CABP4: variants seen among roughly 807,000 people sequenced by gnomAD.
CABP4 encodes calcium binding protein 4, also known as calcium-binding protein 4.
In CABP4, 30 loss-of-function variants were observed where a neutral mutation model predicts 30.7. The observed-to-expected ratio is 0.98, with a 90% CI of 0.73 to 1.33. The LOEUF (loss-of-function observed/expected upper bound fraction) is 1.33, where lower values mean the gene tolerates loss of function less well. CABP4 is among the 40% of genes most tolerant of loss of function. The pLI is 0.00. For synonymous variants in CABP4, 161 were observed against 159.2 expected, an observed-to-expected ratio of 1.01 and a Z score of -0.08; for missense variants, 424 against 395.5, an observed-to-expected ratio of 1.07 and a Z score of -0.61.
intron 3 of CABP4, among the ~76,000 whole-genome samples, chr11:67,456,815 TTCTC>T (rs745880983): frequency 2.6e-5 from 4 of 152,186 alleles, no homozygotes; most frequent in East Asian, 1.9e-4. Context: ...CCTTCTCTCT[TTCTC>T]TCTCTTTCTG....
chr11:67,456,742 C>T (rs911360554), intron 3 of CABP4, among the ~76,000 whole-genome samples: 3 of 152,238 alleles, frequency 2.0e-5, no homozygotes, highest in African/African-American at 4.8e-5. Flanking sequence ...CTTCCTGCCT[C>T]GCTGGCCCAG....
At chr11:67,456,265 C>G (rs372633294) in intron 2 of CABP4, 34 bp from the exon 3 acceptor site, 36 of 1,613,652 alleles carry the variant, frequency 2.2e-5, no homozygotes, top group Non-Finnish European at 2.9e-5. Context: ...GTCCCTGAGC[C>G]TGGCCACCTG....
chr11:67,455,638 A>G lies in CABP4; in HGVS notation c.215A>G (p.Asn72Ser), dbSNP rs1565160426. 6.2e-7 allele frequency: 1 copy of G among 1,609,460 alleles called. No individual in the cohort carries two copies. Among genetic ancestry groups the G allele is most frequent in the Admixed American group, 1.7e-5 (1 of 59,788 alleles). Reference sequence around the variant, plus strand: ...CCCGAGGCCCCGGGGAGCAGCAATAACCCTCCCAGCACTGGAGAGGGGCCG... The same window carrying G: ...CCCGAGGCCCCGGGGAGCAGCAATAGCCCTCCCAGCACTGGAGAGGGGCCG... ...TGPEAPGSSN[N>S]PPSTGEGPAG... Residue 72 changes from asparagine to serine, a missense_variant, in exon 1 of 6, where the codon AAC becomes AGC. Coordinates refer to ENST00000325656, the MANE Select transcript of CABP4 (RefSeq NM_145200.5).
intron 4 of CABP4, 109 bp from the exon 5 acceptor site, chr11:67,458,262 A>T (rs1168354611): frequency 1.0e-6 from 1 of 958,632 alleles, no homozygotes; most frequent in Non-Finnish European, 1.3e-6. Context: ...CATCTCAAAA[A>T]ATAAAATAAA....
At position 67,456,526 on chromosome 11, in the gene CABP4, C is replaced by A. The variant is rs1007560617; in HGVS notation, c.541+84C>A. 90 of 1,534,254 alleles carry A rather than the reference C, an allele frequency of 5.9e-5. 2 individuals are homozygous for A. The East Asian group carries it at 2.1e-3, about 35-fold the overall frequency. ...CTGGCAGGAGGTGGCCCTTGGGAGT[C>A]CATCGGGGTGCTAGTGGGAGTGAGG... On this transcript the variant is annotated intron_variant, in intron 3 of 5. Transcript: ENST00000325656.
chr11:67,454,722 C>T (rs932825652), upstream of CABP4, among the ~76,000 whole-genome samples: 1 of 152,216 alleles, frequency 6.6e-6, no homozygotes, highest in Non-Finnish European at 1.5e-5. Context: ...CCCCCTCCCC[C>T]AGCCCTGATG....
Position 67,455,620 on chromosome 11 carries a change from C to A in CABP4, c.197C>A (p.Ala66Asp), listed in dbSNP as rs375539327. The A allele has an allele frequency of 2.1e-5, 34 of 1,607,728 alleles. No homozygotes were observed. The highest frequency in any genetic ancestry group is 1.7e-4 in the African/African-American group (13 of 74,972). ...TCTGGGGAGCAGACAGGCCCCGAGGCCCCGGGGAGCAGCAATAACCCTCCC... is the reference window on the plus strand; with the variant it reads ...TCTGGGGAGCAGACAGGCCCCGAGGACCCGGGGAGCAGCAATAACCCTCCC... ...GSSGEQTGPE[A>D]PGSSNNPPST... Residue 66 changes from alanine to aspartate, a missense_variant, in exon 1 of 6, where the codon GCC becomes GAC. Physicochemically the swap from Ala to Asp is moderately radical, Grantham distance 126. Transcript: ENST00000325656.
rs1226748829 is a variant in CABP4, at chr11:67,461,315, G to C, written c.*2656G>C. On this transcript the variant is annotated 3_prime_UTR_variant, in exon 6 of 6. Transcript: ENST00000325656. Reference sequence around the variant, plus strand: ...AAAGAAAAAGACAGATAAGTCCTTGGGAGTCTCAGACGGAGGACATACATA... The same window carrying C: ...AAAGAAAAAGACAGATAAGTCCTTGCGAGTCTCAGACGGAGGACATACATA... Among the ~76,000 whole-genome samples, 4 of 152,012 alleles carry C rather than the reference G, an allele frequency of 2.6e-5. No individual in the cohort carries two copies. Among genetic ancestry groups the C allele is most frequent in the African/African-American group, 9.7e-5 (4 of 41,370 alleles).
intron 4 of CABP4, among the ~76,000 whole-genome samples, chr11:67,458,150 T>G (rs529226214): frequency 6.6e-6 from 1 of 152,028 alleles, no homozygotes; most frequent in South Asian, 2.1e-4. Flanking sequence ...TCTCAGCTAC[T>G]CAGGAGGCTG....
In CABP4 at chr11:67,459,782, C is replaced by T. The variant is rs1864953997; in HGVS notation, c.*1123C>T. On this transcript the variant is annotated 3_prime_UTR_variant, in exon 6 of 6. Coordinates refer to ENST00000325656, the MANE Select transcript of CABP4 (RefSeq NM_145200.5). The stretch of plus-strand genomic sequence containing the variant: ...CCTGACCAACATGGTGAAACCCCAT[C>T]TCTACTAAAAATACAAAAATTAACT... 6.6e-6 allele frequency: 1 copy of T among 152,090 alleles called. No individual in the cohort carries two copies. 9.4% of individuals were successfully genotyped at this position (152,090 alleles called of 1,614,324 possible).
In CABP4 at chr11:67,458,275, TAAATA is replaced by T. The variant is rs140897826; in HGVS notation, c.652-77_652-73del. 0.027 allele frequency: 27,143 copies of T among 1,009,190 alleles called. 5,148 individuals carry two copies. In the African/African-American group the frequency reaches 0.41, roughly 15 times the overall value. The allele number at this position is 1,009,190 out of a possible 1,614,324, so 62.5% of individuals were successfully genotyped here. On this transcript the variant is annotated intron_variant, in intron 4 of 5. Coordinates refer to ENST00000325656, the MANE Select transcript of CABP4 (RefSeq NM_145200.5). ...TCCATCTCAAAAAATAAAATAAAAA[TAAATA>T]AAATAAAATAAAATAAAAAATAAAA... is the stretch of plus-strand genomic sequence containing the variant.
intron 3 of CABP4, among the ~76,000 whole-genome samples, chr11:67,457,023 C>A (rs946841976): frequency 8.5e-5 from 13 of 152,186 alleles, no homozygotes; most frequent in Non-Finnish European, 1.5e-4. Flanking sequence ...CCTTAAAATT[C>A]CCAAAATGGG....
intron 3 of CABP4, among the ~76,000 whole-genome samples, chr11:67,456,838 C>A (rs1013983368): frequency 1.3e-5 from 2 of 152,238 alleles, no homozygotes; most frequent in African/African-American, 4.8e-5. Context: ...TGTGACCCTG[C>A]CTCAGCCCTG....
At chr11:67,452,723 A>AT, upstream of CABP4, 1 of 1,555,014 alleles carries the variant, frequency 6.4e-7, no homozygotes, top group Non-Finnish European at 8.7e-7. Flanking sequence ...GGTAGTGTCC[A>AT]TTTGGGGTCC....
intron 3 of CABP4, among the ~76,000 whole-genome samples, chr11:67,456,718 C>A (rs1443478871): frequency 6.6e-6 from 1 of 152,256 alleles, no homozygotes; most frequent in Admixed American, 6.5e-5. Flanking sequence ...ACATTTGCTC[C>A]TTTCACCCGA....
chr11:67,454,050 C>G (rs539704356), upstream of CABP4, among the ~76,000 whole-genome samples: 1 of 152,166 alleles, frequency 6.6e-6, no homozygotes, highest in Non-Finnish European at 1.5e-5. Flanking sequence ...CACCCCACCG[C>G]GGCCCTCTCC....
chr11:67,455,639 C>G lies in CABP4; in HGVS notation c.216C>G (p.Asn72Lys). ...TGPEAPGSSNNPPSTGEGPAG... is the reference protein window; with the variant it reads ...TGPEAPGSSNKPPSTGEGPAG... The stretch of plus-strand genomic sequence containing the variant: ...CCGAGGCCCCGGGGAGCAGCAATAA[C>G]CCTCCCAGCACTGGAGAGGGGCCGG... The change falls in exon 1 of 6, where the codon AAC becomes AAG. Residue 72 changes from asparagine to lysine, a missense_variant. Transcript: ENST00000325656. 1 of 1,610,058 alleles carries G rather than the reference C, an allele frequency of 6.2e-7. No individual in the cohort carries two copies. Among genetic ancestry groups the G allele is most frequent in the Non-Finnish European group, 8.5e-7 (1 of 1,179,204 alleles).
At chr11:67,455,825 G>T (rs1193789300) in intron 1 of CABP4, 36 bp downstream of exon 1, 1 of 1,548,896 alleles carries the variant, frequency 6.5e-7, no homozygotes, top group East Asian at 2.4e-5. Flanking sequence ...GGGGTCCTGG[G>T]GGTGGGGCTG....
rs567943756 is a variant in CABP4, at chr11:67,458,893, C to T, written c.*234C>T. 73 of 610,232 alleles carry T rather than the reference C, an allele frequency of 1.2e-4. 1 individual carries two copies. In the South Asian group the frequency reaches 1.2e-3, roughly 10 times the overall value. 37.8% of individuals were successfully genotyped at this position (610,232 alleles called of 1,614,324 possible). ...AGAAGACCTGCTCTCAGCTGCCCACCGTTCCTCAGTGTGAGCAAGATTTGG... is the reference window on the plus strand; with the variant it reads ...AGAAGACCTGCTCTCAGCTGCCCACTGTTCCTCAGTGTGAGCAAGATTTGG... On this transcript the variant is annotated 3_prime_UTR_variant, in exon 6 of 6. Coordinates refer to ENST00000325656, the MANE Select transcript of CABP4 (RefSeq NM_145200.5).
Sources: gnomAD v4.1 joint callset for allele counts (sites outside exome capture counted in the v4.1 genomes callset) on GRCh38, gnomAD v4.1.1 for gene constraint, MANE v1.5 for transcripts, NCBI Gene and HGNC (gene_info 2026-07-23, HGNC 2026-07-21) for gene names.